The following OVCH1 variants were observed in gnomAD, a reference collection of about 807,000 sequenced individuals.
OVCH1 encodes ovochymase 1.
A neutral mutation model predicts 138.4 loss-of-function variants in OVCH1; 139 were observed. The observed-to-expected ratio is 1.00, with a 90% confidence interval of 0.87 to 1.16. The LOEUF (loss-of-function observed/expected upper bound fraction) is 1.16. Among genes scored for constraint, OVCH1 ranks in the 50% most tolerant of loss-of-function variants. OVCH1 has a pLI of 0.00. For synonymous variants in OVCH1, 453 were observed against 467.8 expected (o/e 0.97, Z 0.41); for missense variants, 1,367 against 1,357.9 (o/e 1.01, Z -0.11).
chr12:29,415,229 T>C (rs557069990), intron 3 of OVCH1, among the ~76,000 whole-genome samples: 6 of 152,084 alleles, frequency 3.9e-5, no homozygotes, highest in Non-Finnish European at 7.4e-5. Context: ...GGAAAAAGGA[T>C]CAAGATAAGA....
At chr12:29,489,833 G>A in intron 5 of OVCH1, 62 bp from the exon 6 acceptor site, 1 of 1,517,120 alleles carries the variant, frequency 6.6e-7, no homozygotes, top group Non-Finnish European at 9.0e-7. Context: ...TTAATGGGAA[G>A]TCTACAAGTT....
downstream of OVCH1, among the ~76,000 whole-genome samples, chr12:29,412,182 T>C (rs567448391): frequency 3.3e-5 from 5 of 152,048 alleles, no homozygotes; most frequent in East Asian, 9.7e-4. Context: ...TGGGCAGGAG[T>C]GACCCGATTT....
intron 3 of OVCH1, among the ~76,000 whole-genome samples, chr12:29,418,694 C>T (rs1190397282): frequency 6.6e-6 from 1 of 152,178 alleles, no homozygotes; most frequent in Non-Finnish European, 1.5e-5. Flanking sequence ...AGAGGTTTCA[C>T]TGGTATCAAA....
intron 16 of OVCH1, among the ~76,000 whole-genome samples, chr12:29,471,472 A>T (rs1433206827): frequency 6.6e-6 from 1 of 152,176 alleles, no homozygotes; most frequent in African/African-American, 2.4e-5. Context: ...GATTAAACTA[A>T]AGGGGAACAT....
chr12:29,490,706 G>A (rs983316980), intron 5 of OVCH1, among the ~76,000 whole-genome samples: 4 of 152,074 alleles, frequency 2.6e-5, no homozygotes, highest in Non-Finnish European at 5.9e-5. Context: ...ACATCTTCCC[G>A]TTTCTCTCAT....
At chr12:29,451,785 T>G (rs994003407) in intron 21 of OVCH1, among the ~76,000 whole-genome samples, 39 of 152,188 alleles carry the variant, frequency 2.6e-4, no homozygotes, top group African/African-American at 8.4e-4. Flanking sequence ...CACAATTATT[T>G]TGAATCAGTT....
Position 29,464,525 on chromosome 12 carries a change from ATCCGG to A in OVCH1, c.2102_2106del (p.Thr701MetfsTer28). The A allele has an allele frequency of 6.2e-7, 1 of 1,613,388 alleles. No homozygotes were observed. The highest frequency in any genetic ancestry group is 1.1e-5 in the South Asian group (1 of 91,064). ...TGCTTACCTGCACTGATGCTTCCCC[ATCCGG>A]TCACAGCACAGATCTCCGAGGAAAA... On this transcript the variant is annotated frameshift_variant, in exon 18 of 28. Coordinates refer to ENST00000318184, the Ensembl canonical transcript of OVCH1. LOFTEE classifies it high-confidence loss of function.
intron 8 of OVCH1, among the ~76,000 whole-genome samples, chr12:29,482,154 T>C (rs1465158633): frequency 1.3e-5 from 2 of 152,210 alleles, no homozygotes; most frequent in Non-Finnish European, 2.9e-5. Context: ...CAAAGTTCTT[T>C]TCATGCCCCG....
chr12:29,470,991 A>T (rs58171188), intron 16 of OVCH1, among the ~76,000 whole-genome samples: 24,267 of 151,904 alleles, frequency 0.16, 2,056 homozygotes, highest in African/African-American at 0.22. Context: ...TTTTTTTCAT[A>T]TATTTGTTGG....
chr12:29,486,402 A>G, intron 7 of OVCH1, 54 bp from the exon 8 acceptor site: 3 of 1,320,648 alleles, frequency 2.3e-6, no homozygotes, highest in Non-Finnish European at 3.2e-6. Flanking sequence ...ATTTAAATAA[A>G]ACATTTTTAA....
chr12:29,489,629 G>A (rs372417527), exon 6 of OVCH1: 251 of 1,605,900 alleles, frequency 1.6e-4, no homozygotes, highest in South Asian at 1.9e-4. Flanking sequence ...CCTGGCAGGC[G>A]TCCATTCCCC....
Position 29,487,689 on chromosome 12 carries a change from C to G in OVCH1, c.892+4G>C, listed in dbSNP as rs373905667. ...ATGAGATGAGGAAGAAAGAATTCAC[C>G]TACCTGTGAACAGGTTTTGAGTGAT... On this transcript the variant is annotated splice_donor_region_variant and intron_variant, in intron 7 of 27. Coordinates refer to ENST00000318184, the Ensembl canonical transcript of OVCH1. The G allele has an allele frequency of 2.5e-6, 4 of 1,582,850 alleles. No homozygotes were observed. In the African/African-American group the frequency reaches 5.4e-5, roughly 21 times the overall value.
intron 3 of OVCH1, among the ~76,000 whole-genome samples, chr12:29,495,769 A>C (rs1311129220): frequency 3.3e-5 from 5 of 152,308 alleles, no homozygotes; most frequent in Admixed American, 6.5e-5. Context: ...TTTTTCTAGA[A>C]CTGTTCCTTC....
chr12:29,447,755 A>C (rs1487602288), intron 22 of OVCH1, among the ~76,000 whole-genome samples: 1 of 134,174 alleles, frequency 7.5e-6, no homozygotes, highest in East Asian at 2.1e-4. Flanking sequence ...AAAGCTACTA[A>C]TGAAATGAAA....
chr12:29,466,125 A>T (rs1242928868), intron 16 of OVCH1, among the ~76,000 whole-genome samples: 1 of 150,934 alleles, frequency 6.6e-6, no homozygotes, highest in Non-Finnish European at 1.5e-5. Flanking sequence ...GAGGGATAGC[A>T]TTAGGAGATA....
intron 25 of OVCH1, among the ~76,000 whole-genome samples, chr12:29,441,273 T>G (rs970568978): frequency 1.6e-4 from 24 of 152,074 alleles, no homozygotes; most frequent in Admixed American, 9.2e-4. Context: ...AAAACAGAGA[T>G]ATAGATCAAT....
At chr12:29,405,223 C>A in the OVCH1 span, among the ~76,000 whole-genome samples, 47,029 of 151,790 alleles carry the variant, frequency 0.31, 8,593 homozygotes, top group Middle Eastern at 0.52. Context: ...TGTATTTATT[C>A]TTCTTGCCTT....
intron 16 of OVCH1, among the ~76,000 whole-genome samples, chr12:29,468,293 CTATTA>C (rs1263900909): frequency 6.6e-6 from 1 of 152,010 alleles, no homozygotes; most frequent in Non-Finnish European, 1.5e-5. Context: ...AAAAGCATTA[CTATTA>C]TAATACATAT....
At chr12:29,446,207 C>G (rs1398972959) in intron 22 of OVCH1, among the ~76,000 whole-genome samples, 1 of 151,948 alleles carries the variant, frequency 6.6e-6, no homozygotes, top group Non-Finnish European at 1.5e-5. Context: ...ATCCTCAGAA[C>G]CAAGATGACT....
Sources: gnomAD v4.1 joint callset for allele counts (sites outside exome capture counted in the v4.1 genomes callset) on GRCh38, gnomAD v4.1.1 for gene constraint, MANE v1.5 for transcripts, NCBI Gene and HGNC (gene_info 2026-07-23, HGNC 2026-07-21) for gene names.